Variants in PIK3C2G observed in about 807,000 individuals in gnomAD.
PIK3C2G encodes phosphatidylinositol 3-kinase C2 domain-containing subunit gamma.
In PIK3C2G, 168 loss-of-function variants were observed where a neutral mutation model predicts 181.1. The observed-to-expected ratio is 0.93, with a 90% confidence interval of 0.82 to 1.05. PIK3C2G has a LOEUF of 1.05. Among genes scored for constraint, PIK3C2G ranks in the 50% least tolerant of loss-of-function variants. The probability of loss-of-function intolerance (pLI) is 0.00; values close to 1 mark genes in which losing one functional copy is unlikely to be tolerated. For synonymous variants in PIK3C2G, 573 were observed against 592.2 expected (o/e 0.97, Z 0.47); for missense variants, 1,869 against 1,732.8 (o/e 1.08, Z -1.40).
chr12:18,711,546 T>TAAG, the PIK3C2G span, among the ~76,000 whole-genome samples: 3 of 148,924 alleles, frequency 2.0e-5, no homozygotes, highest in African/African-American at 7.4e-5. Context: ...ATAATAATAA[T>TAAG]AATAATAATA....
At chr12:18,257,765 A>C (rs1323866780), upstream of PIK3C2G, among the ~76,000 whole-genome samples, 1 of 148,122 alleles carries the variant, frequency 6.8e-6, no homozygotes, top group South Asian at 2.3e-4. Context: ...GGGAGGAAAA[A>C]AAGAAGAAGA....
intron 1 of PIK3C2G, among the ~76,000 whole-genome samples, chr12:18,253,962 A>G (rs1166021704): frequency 1.3e-5 from 2 of 151,898 alleles, no homozygotes; most frequent in Non-Finnish European, 2.9e-5. Context: ...CCTAGAAGCC[A>G]TAAAGCAGTG....
the PIK3C2G span, among the ~76,000 whole-genome samples, chr12:18,726,657 A>G: frequency 6.6e-6 from 1 of 152,262 alleles, no homozygotes; most frequent in South Asian, 2.1e-4. Context: ...TCCATTTCCA[A>G]TGCTCAGTTT....
At chr12:18,369,511 T>C (rs1232891666) in intron 12 of PIK3C2G, among the ~76,000 whole-genome samples, 2 of 87,844 alleles carry the variant, frequency 2.3e-5, no homozygotes, top group Non-Finnish European at 4.5e-5. Flanking sequence ...ATAACGATCG[T>C]ATAATTGACA....
chr12:18,363,388 A>C lies in PIK3C2G; in HGVS notation c.1748+502A>C, dbSNP rs537589529. Among the ~76,000 whole-genome samples, 113 of 152,176 alleles carry C rather than the reference A, an allele frequency of 7.4e-4. 1 individual carries two copies. The highest frequency in any genetic ancestry group is 2.6e-3 in the African/African-American group (109 of 41,520). On this transcript the variant is annotated intron_variant, in intron 12 of 32. Transcript: ENST00000538779. ...ACTGGCTCCCACTTCCTTCTTCTGT[A>C]AAGATTTGTTAAGTCAAGAAGATAA...
chr12:18,495,070 G>T (rs1336908755), intron 20 of PIK3C2G, among the ~76,000 whole-genome samples: 14 of 152,134 alleles, frequency 9.2e-5, no homozygotes, highest in Admixed American at 9.2e-4. Flanking sequence ...GTGTTGATAG[G>T]TCAGTTAAGA....
chr12:18,719,239 A>G, the PIK3C2G span, among the ~76,000 whole-genome samples: 1 of 152,266 alleles, frequency 6.6e-6, no homozygotes, highest in Admixed American at 6.5e-5. Context: ...TAATGCATAC[A>G]ATAAATTACG....
the PIK3C2G span, among the ~76,000 whole-genome samples, chr12:18,704,243 G>A: frequency 1.3e-5 from 2 of 152,144 alleles, no homozygotes; most frequent in Non-Finnish European, 2.9e-5. Flanking sequence ...ACTTTCCTGT[G>A]AAGCAATTAG....
chr12:18,338,523 G>C lies in PIK3C2G; in HGVS notation c.1370G>C (p.Ser457Thr). 1 of 1,592,442 alleles carries C rather than the reference G, an allele frequency of 6.3e-7. No individual in the cohort carries two copies. Among genetic ancestry groups the C allele is most frequent in the Non-Finnish European group, 8.6e-7 (1 of 1,160,734 alleles). ...KQITDAVNEL[S>T]LILQRKGENF... ...ATTACAGATGCAGTAAATGAACTAA[G>C]TCTAATTCTTCAGAGAAAAGGAGAG... Residue 457 changes from serine (S) to threonine (T), a missense_variant, in exon 9 of 33, where the codon AGT becomes ACT. Physicochemically the swap from Ser to Thr is moderately conservative, Grantham distance 58. Transcript: ENST00000538779.
Position 18,549,996 on chromosome 12 carries a change from C to T in PIK3C2G, c.3590+3564C>T, listed in dbSNP as rs115992954. On this transcript the variant is annotated intron_variant, in intron 26 of 32. Coordinates refer to ENST00000538779, the MANE Select transcript of PIK3C2G (RefSeq NM_001288772.2). ...TATCCCCTAACTTCCAAGAGCCCAT[C>T]TCAGTCATATTTTTTAATCTTAAAG... Among the ~76,000 whole-genome samples, 855 of 152,040 alleles carry T rather than the reference C, an allele frequency of 5.6e-3. 5 individuals carry two copies. The highest frequency in any genetic ancestry group is 0.02 in the African/African-American group (815 of 41,490).
At chr12:18,396,600 A>G (rs2138096083) in intron 15 of PIK3C2G, among the ~76,000 whole-genome samples, 1 of 151,868 alleles carries the variant, frequency 6.6e-6, no homozygotes, top group African/African-American at 2.4e-5. Flanking sequence ...TAAAGGTCAC[A>G]GCATTTGAGA....
At chr12:18,260,774 C>T (rs1416927099), upstream of PIK3C2G, among the ~76,000 whole-genome samples, 2 of 152,026 alleles carry the variant, frequency 1.3e-5, no homozygotes, top group African/African-American at 4.8e-5. Context: ...AAAACTTTCT[C>T]CCAGTAAAGC....
At chr12:18,530,151 AG>A (rs1028931653) in intron 24 of PIK3C2G, among the ~76,000 whole-genome samples, 1 of 152,206 alleles carries the variant, frequency 6.6e-6, no homozygotes, top group African/African-American at 2.4e-5. Context: ...TGCTTTAAGC[AG>A]ATGACCATAC....
At position 18,496,029 on chromosome 12, in the gene PIK3C2G, G is replaced by T; in HGVS notation, c.2794-33G>T. 4 of 1,155,794 alleles carry T rather than the reference G, an allele frequency of 3.5e-6. No individual in the cohort carries two copies. The East Asian group carries it at 8.0e-5, about 23-fold the overall frequency. 71.6% of individuals were successfully genotyped at this position (1,155,794 alleles called of 1,614,324 possible). ...TGGGGATTGGGGTCTGATTTATTTT[G>T]CTCACTAGTTTTCCCTTTTTCTTTT... On this transcript the variant is annotated intron_variant, in intron 20 of 32. Coordinates refer to ENST00000538779, the MANE Select transcript of PIK3C2G (RefSeq NM_001288772.2).
chr12:18,245,844 G>A (rs149575278), upstream of PIK3C2G, among the ~76,000 whole-genome samples: 327 of 151,794 alleles, frequency 2.2e-3, no homozygotes, highest in African/African-American at 7.5e-3. Context: ...TTATAAATTC[G>A]CAACTTGAGT....
chr12:18,579,319 C>A (rs964242811), intron 29 of PIK3C2G, among the ~76,000 whole-genome samples: 3 of 152,128 alleles, frequency 2.0e-5, no homozygotes, highest in Admixed American at 2.0e-4. Flanking sequence ...AATCGTACAA[C>A]CTTAACTTGC....
chr12:18,650,427 G>T (rs1950396739), downstream of PIK3C2G, among the ~76,000 whole-genome samples: 1 of 141,902 alleles, frequency 7.0e-6, no homozygotes, highest in African/African-American at 2.6e-5. Flanking sequence ...AATTACATAG[G>T]AATTTTTTTA....
intron 15 of PIK3C2G, among the ~76,000 whole-genome samples, chr12:18,393,818 C>T (rs924749611): frequency 4.6e-5 from 7 of 152,102 alleles, no homozygotes; most frequent in Non-Finnish European, 1.0e-4. Flanking sequence ...TCCCACATGA[C>T]TTGCGAAGGT....
intron 25 of PIK3C2G, among the ~76,000 whole-genome samples, chr12:18,540,492 G>A (rs1480303314): frequency 1.3e-5 from 2 of 151,762 alleles, no homozygotes; most frequent in African/African-American, 4.8e-5. Flanking sequence ...TTTTTCTCTT[G>A]TTTAATAAAC....
Sources: allele counts gnomAD v4.1 joint callset (sites outside exome capture counted in the v4.1 genomes callset), GRCh38; gene constraint gnomAD v4.1.1; transcripts MANE v1.5; gene names NCBI Gene and HGNC (gene_info 2026-07-23, HGNC 2026-07-21).